HACE1: variants seen among roughly 807,000 people sequenced by gnomAD.
HACE1 encodes the protein E3 ubiquitin-protein ligase HACE1.
HACE1 carries 73 observed loss-of-function variants against 118.4 expected under a neutral mutation model. The ratio of observed to expected loss-of-function variants is 0.62; its 90% CI spans 0.51 to 0.75. The LOEUF (loss-of-function observed/expected upper bound fraction) is 0.75. HACE1 is among the 30% of genes least tolerant of loss of function. HACE1 has a pLI of 0.00. For missense variants in HACE1, 749 were observed against 1,102.2 expected (o/e 0.68, Z 4.54); for synonymous variants, 368 against 374.8 (o/e 0.98, Z 0.21).
chr6:104,730,843 A>G (rs1157579016), intron 22 of HACE1: 1 of 163,960 alleles, frequency 6.1e-6, no homozygotes, highest in Non-Finnish European at 1.3e-5. Context: ...TATTCGATTG[A>G]CTAATTCAAG....
At chr6:104,802,282 C>T (rs2114915768) in intron 7 of HACE1, among the ~76,000 whole-genome samples, 1 of 152,156 alleles carries the variant, frequency 6.6e-6, no homozygotes, top group East Asian at 1.9e-4. Flanking sequence ...ACTTAAACAC[C>T]CCACTGTCAA....
chr6:104,746,478 G>A (rs961782496), intron 20 of HACE1, among the ~76,000 whole-genome samples: 1 of 152,188 alleles, frequency 6.6e-6, no homozygotes, highest in Non-Finnish European at 1.5e-5. Context: ...CAGTTAGTCT[G>A]GAGGTGAGGG....
chr6:104,802,497 C>A (rs1222191212), intron 7 of HACE1, among the ~76,000 whole-genome samples: 1 of 152,102 alleles, frequency 6.6e-6, no homozygotes, highest in Non-Finnish European at 1.5e-5. Flanking sequence ...TGTAAAAGAA[C>A]AGAAATCACA....
At chr6:104,823,447 T>A (rs1001636836) in intron 6 of HACE1, among the ~76,000 whole-genome samples, 1 of 150,870 alleles carries the variant, frequency 6.6e-6, no homozygotes, top group South Asian at 2.1e-4. Flanking sequence ...AAAAAAAAAA[T>A]TGGAAATTAC....
chr6:104,850,713 T>C (rs1446892840), intron 3 of HACE1, among the ~76,000 whole-genome samples, 194 bp downstream of exon 3: 1 of 152,210 alleles, frequency 6.6e-6, no homozygotes, highest in African/African-American at 2.4e-5. Context: ...AAGAGGGACA[T>C]GAGATTTACA....
chr6:104,842,459 T>G (rs1477131551), intron 5 of HACE1: 1 of 151,914 alleles, frequency 6.6e-6, no homozygotes, highest in African/African-American at 2.4e-5. Flanking sequence ...CAAAAGTTTT[T>G]TTTTTTTTTA....
At position 104,812,562 on chromosome 6, in the gene HACE1, AAC is replaced by A. The variant is rs200738594; in HGVS notation, c.535-1171_535-1170del. Among the ~76,000 whole-genome samples, 1,307 of 152,322 alleles carry A rather than the reference AAC, an allele frequency of 8.6e-3. 13 individuals carry two copies. The highest frequency in any genetic ancestry group is 0.014 in the Non-Finnish European group (936 of 68,026). The stretch of plus-strand genomic sequence containing the variant: ...CAATGTCAGTAAAATAATAAAACTA[AAC>A]ACCCAAAGGAAGAACAAGAAAGAAA... On this transcript the variant is annotated intron_variant, in intron 6 of 23. Transcript: ENST00000262903.
intron 5 of HACE1, among the ~76,000 whole-genome samples, chr6:104,840,793 G>A (rs1301958081): frequency 2.6e-5 from 4 of 152,138 alleles, no homozygotes; most frequent in African/African-American, 4.8e-5. Flanking sequence ...GAGAAACCCC[G>A]TCTCTACTAA....
At chr6:104,761,973 G>C (rs1779408607) in intron 19 of HACE1, among the ~76,000 whole-genome samples, 1 of 152,200 alleles carries the variant, frequency 6.6e-6, no homozygotes, top group Non-Finnish European at 1.5e-5. Context: ...GGTCATTAGA[G>C]AAATGCAAAT....
At chr6:104,787,040 TTC>T (rs1455717023) in intron 11 of HACE1, 1 of 152,218 alleles carries the variant, frequency 6.6e-6, no homozygotes, top group African/African-American at 2.4e-5. Context: ...TTCTGTAATA[TTC>T]TCTTTTTGAA....
intron 19 of HACE1, among the ~76,000 whole-genome samples, chr6:104,763,097 T>A (rs1300545182): frequency 4.0e-5 from 6 of 151,834 alleles, no homozygotes; most frequent in Non-Finnish European, 8.8e-5. Context: ...ATAGGTTTGG[T>A]AATTTTTAAA....
intron 20 of HACE1, among the ~76,000 whole-genome samples, chr6:104,745,682 C>T (rs1299429527): frequency 1.3e-5 from 2 of 151,874 alleles, no homozygotes; most frequent in Admixed American, 6.6e-5. Context: ...ACCTTGTGAT[C>T]CACCCACCTC....
intron 7 of HACE1, among the ~76,000 whole-genome samples, chr6:104,808,539 A>G (rs1263290267): frequency 6.6e-6 from 1 of 152,160 alleles, no homozygotes; most frequent in Non-Finnish European, 1.5e-5. Context: ...GTATCTTAAT[A>G]CCATTCTAAA....
At chr6:104,816,149 C>G (rs1344851989) in intron 6 of HACE1, among the ~76,000 whole-genome samples, 1 of 151,938 alleles carries the variant, frequency 6.6e-6, no homozygotes, top group Admixed American at 6.6e-5. Flanking sequence ...AAACAAAAAC[C>G]CATTTTCTGG....
At chr6:104,765,536 C>T (rs992777204) in intron 19 of HACE1, among the ~76,000 whole-genome samples, 5 of 152,190 alleles carry the variant, frequency 3.3e-5, no homozygotes, top group African/African-American at 1.2e-4. Flanking sequence ...TCAGCAATGA[C>T]CTTGGCAAAT....
chr6:104,803,448 T>G (rs13308590), intron 7 of HACE1, among the ~76,000 whole-genome samples: 1 of 152,104 alleles, frequency 6.6e-6, no homozygotes, highest in Non-Finnish European at 1.5e-5. Context: ...TGATGAACAT[T>G]GATGCAAAAA....
chr6:104,751,437 A>T (rs1203029086), intron 19 of HACE1, among the ~76,000 whole-genome samples: 1 of 152,216 alleles, frequency 6.6e-6, no homozygotes, highest in Non-Finnish European at 1.5e-5. Flanking sequence ...AAAATACGTG[A>T]TAATCATAGA....
At chr6:104,843,097 C>T (rs1252669205) in intron 5 of HACE1, 126 bp downstream of exon 5, 14 of 703,790 alleles carry the variant, frequency 2.0e-5, no homozygotes, top group African/African-American at 8.7e-5. Flanking sequence ...AGTGACAGAG[C>T]GAGACTCTGT....
chr6:104,808,338 A>T (rs1771246121), intron 7 of HACE1, among the ~76,000 whole-genome samples: 1 of 152,202 alleles, frequency 6.6e-6, no homozygotes, highest in Non-Finnish European at 1.5e-5. Context: ...TCAACTACTA[A>T]GTGTTGAATA....
Sources: gnomAD v4.1 joint callset for allele counts (sites outside exome capture counted in the v4.1 genomes callset) on GRCh38, gnomAD v4.1.1 for gene constraint, MANE v1.5 for transcripts, NCBI Gene and HGNC (gene_info 2026-07-23, HGNC 2026-07-21) for gene names.